The following KHDRBS2 variants were observed in gnomAD, a reference collection of about 807,000 sequenced individuals.
KHDRBS2 encodes KH domain-containing, RNA-binding, signal transduction-associated protein 2.
Under a neutral mutation model 44.3 loss-of-function variants are expected in KHDRBS2, and 26 were observed. The observed-to-expected ratio is 0.59, with a 90% CI of 0.43 to 0.81. KHDRBS2 has a LOEUF of 0.81. Among genes scored for constraint, KHDRBS2 ranks in the 40% least tolerant of loss-of-function variants. The pLI, the probability that KHDRBS2 is intolerant of heterozygous loss-of-function variation, is 0.00. For missense variants in KHDRBS2, 476 were observed against 433.1 expected (o/e 1.10, Z -0.88); for synonymous variants, 194 against 151.1 (o/e 1.28, Z -2.08).
At chr6:62,235,806 C>A (rs1442892283) in intron 1 of KHDRBS2, among the ~76,000 whole-genome samples, 1 of 151,974 alleles carries the variant, frequency 6.6e-6, no homozygotes, top group African/African-American at 2.4e-5. Context: ...GGTACAATTT[C>A]GAGATTTCTA....
chr6:62,215,549 C>A (rs1233977781), intron 1 of KHDRBS2, among the ~76,000 whole-genome samples: 6 of 151,518 alleles, frequency 4.0e-5, no homozygotes, highest in Non-Finnish European at 7.4e-5. Flanking sequence ...GATGCCAGCC[C>A]CAACCACAAT....
At position 61,686,697 on chromosome 6, in the gene KHDRBS2, CTA is replaced by C. The variant is rs539846597; in HGVS notation, c.953-5639_953-5638del. Among the ~76,000 whole-genome samples, 856 of 151,700 alleles carry C rather than the reference CTA, an allele frequency of 5.6e-3. 6 individuals are homozygous for C. The highest frequency in any genetic ancestry group is 0.01 in the Non-Finnish European group (711 of 67,748). ...TACCTTCTTTTTAAAGCTGAGGAAA[CTA>C]TGACTCAGAAAGTTTAGTTGTTGGG... On this transcript the variant is annotated intron_variant, in intron 8 of 8. Coordinates refer to ENST00000281156, the MANE Select transcript of KHDRBS2 (RefSeq NM_152688.4).
intron 6 of KHDRBS2, among the ~76,000 whole-genome samples, chr6:61,814,896 CA>C (rs1330939104): frequency 6.6e-6 from 1 of 152,088 alleles, no homozygotes; most frequent in Non-Finnish European, 1.5e-5. Flanking sequence ...AACTTGAGCA[CA>C]AAAGCTCAAG....
intron 2 of KHDRBS2, among the ~76,000 whole-genome samples, chr6:62,089,654 C>A (rs1799126489): frequency 6.6e-6 from 1 of 152,190 alleles, no homozygotes; most frequent in Non-Finnish European, 1.5e-5. Context: ...GAGCTGCAGA[C>A]TGGAGCTGCT....
chr6:62,285,844 G>C lies in KHDRBS2; in HGVS notation c.91+14C>G, dbSNP rs1392744738. 1 of 1,600,764 alleles carries C rather than the reference G, an allele frequency of 6.2e-7. No homozygotes were observed. Among genetic ancestry groups the C allele is most frequent in the Admixed American group, 1.7e-5 (1 of 59,578 alleles). ...AGCCGGCGGTTTGTGCCCATCTGTG[G>C]GGGCAAGTCCTACCTTCTGCCAAAA... On this transcript the variant is annotated intron_variant, in intron 1 of 8. Coordinates refer to ENST00000281156, the MANE Select transcript of KHDRBS2 (RefSeq NM_152688.4).
chr6:62,176,168 A>T (rs1254934894), intron 2 of KHDRBS2, among the ~76,000 whole-genome samples: 1 of 151,382 alleles, frequency 6.6e-6, no homozygotes, highest in East Asian at 1.9e-4. Flanking sequence ...GCCCAATTTA[A>T]TATTCAAGAG....
chr6:61,697,928 G>A (rs750572288), intron 7 of KHDRBS2, among the ~76,000 whole-genome samples: 20 of 151,988 alleles, frequency 1.3e-4, no homozygotes, highest in Non-Finnish European at 2.8e-4. Context: ...AAAGTCTTAC[G>A]TGTTTCTTAT....
intron 1 of KHDRBS2, among the ~76,000 whole-genome samples, chr6:62,238,484 A>T (rs1433114389): frequency 1.3e-5 from 2 of 152,186 alleles, no homozygotes; most frequent in Non-Finnish European, 2.9e-5. Context: ...AAATAAAACT[A>T]TATTTTCTGA....
chr6:62,248,206 A>T (rs1351296981), intron 1 of KHDRBS2, among the ~76,000 whole-genome samples: 1 of 151,974 alleles, frequency 6.6e-6, no homozygotes, highest in Non-Finnish European at 1.5e-5. Flanking sequence ...AAATAAAAAT[A>T]AAAGGAAAGA....
intron 6 of KHDRBS2, among the ~76,000 whole-genome samples, chr6:61,867,979 G>T (rs1798028522): frequency 6.6e-6 from 1 of 152,168 alleles, no homozygotes; most frequent in Non-Finnish European, 1.5e-5. Flanking sequence ...TTCTAGTAGA[G>T]CAGCTGTGCT....
chr6:62,270,623 A>C (rs886766154), intron 1 of KHDRBS2, among the ~76,000 whole-genome samples: 2 of 152,022 alleles, frequency 1.3e-5, no homozygotes, highest in African/African-American at 4.8e-5. Flanking sequence ...GGTATTGTTC[A>C]CACAAGACTA....
rs868406237 is a variant in KHDRBS2, at chr6:62,240,692, A to G, written c.91+45166T>C. Among the ~76,000 whole-genome samples, 462 of 127,226 alleles carry G rather than the reference A, an allele frequency of 3.6e-3. 5 individuals are homozygous for G. Among genetic ancestry groups the G allele is most frequent in the African/African-American group, 0.013 (417 of 32,904 alleles). The allele number at this position is 127,226 out of a possible 152,430, so 83.5% of individuals were successfully genotyped here. On this transcript the variant is annotated intron_variant, in intron 1 of 8. Coordinates refer to ENST00000281156, the MANE Select transcript of KHDRBS2 (RefSeq NM_152688.4). ...TGTGTGTATATATATATATATATAT[A>G]TATATATATATATATATATATATAT... is the stretch of plus-strand genomic sequence containing the variant.
chr6:61,884,703 A>G (rs868174424), intron 6 of KHDRBS2, among the ~76,000 whole-genome samples: 1 of 152,024 alleles, frequency 6.6e-6, no homozygotes, highest in Non-Finnish European at 1.5e-5. Flanking sequence ...ACACTATGTA[A>G]CCTTTGTTAA....
chr6:61,711,750 G>A (rs984816997), intron 7 of KHDRBS2, among the ~76,000 whole-genome samples: 1 of 151,726 alleles, frequency 6.6e-6, no homozygotes, highest in African/African-American at 2.4e-5. Context: ...CCACTGGAAT[G>A]GTTTCAGAAG....
At chr6:62,205,905 T>G (rs937750079) in intron 1 of KHDRBS2, among the ~76,000 whole-genome samples, 2 of 152,126 alleles carry the variant, frequency 1.3e-5, no homozygotes, top group African/African-American at 4.8e-5. Flanking sequence ...AATTTGGCTT[T>G]GGGAACTTGA....
At chr6:61,562,095 TA>T in the KHDRBS2 span, among the ~76,000 whole-genome samples, 6 of 152,288 alleles carry the variant, frequency 3.9e-5, no homozygotes, top group African/African-American at 1.2e-4. Flanking sequence ...TCTGACAACA[TA>T]ATTTGACATC....
chr6:61,714,665 G>A (rs1304177201), intron 7 of KHDRBS2, among the ~76,000 whole-genome samples: 2 of 151,812 alleles, frequency 1.3e-5, no homozygotes, highest in African/African-American at 2.4e-5. Flanking sequence ...AATCAGTGAT[G>A]ACTGCATAAA....
intron 4 of KHDRBS2, among the ~76,000 whole-genome samples, chr6:61,906,589 T>A (rs1805073070): frequency 1.3e-5 from 2 of 152,156 alleles, no homozygotes; most frequent in Non-Finnish European, 2.9e-5. Flanking sequence ...ATCATTCTAC[T>A]CTATCTCCAT....
At chr6:61,600,270 A>G in the KHDRBS2 span, among the ~76,000 whole-genome samples, 1 of 152,132 alleles carries the variant, frequency 6.6e-6, no homozygotes, top group African/African-American at 2.4e-5. Context: ...TAACTGAAAA[A>G]TCACAAAAGA....
Sources: allele counts gnomAD v4.1 joint callset (sites outside exome capture counted in the v4.1 genomes callset), GRCh38; gene constraint gnomAD v4.1.1; transcripts MANE v1.5; gene names NCBI Gene and HGNC (gene_info 2026-07-23, HGNC 2026-07-21).